Variants in PWWP3B observed in about 807,000 individuals in gnomAD.
PWWP3B encodes PWWP domain-containing DNA repair factor 3B.
Under a neutral mutation model 15.7 loss-of-function variants are expected in PWWP3B, and 5 were observed. The observed-to-expected ratio is 0.32, with a 90% CI of 0.17 to 0.67. The LOEUF (loss-of-function observed/expected upper bound fraction) is 0.67, where lower values mean the gene tolerates loss of function less well. PWWP3B is among the 30% of genes least tolerant of loss of function. The pLI, the probability that PWWP3B is intolerant of heterozygous loss-of-function variation, is 0.74. For missense variants in PWWP3B, 519 were observed against 493.1 expected (o/e 1.05, Z -0.50); for synonymous variants, 203 against 179.8 (o/e 1.13, Z -1.03).
intron 2 of PWWP3B, among the ~76,000 whole-genome samples, chrX:106,193,361 T>C (rs1359995773): frequency 3.6e-5 from 4 of 111,351 alleles, no homozygotes; most frequent in Non-Finnish European, 3.8e-5. Context: ...AGGATTGCAA[T>C]CCCTGCCTTT....
At chrX:106,199,515 G>A (rs1288813024) in intron 2 of PWWP3B, among the ~76,000 whole-genome samples, 3 of 111,456 alleles carry the variant, frequency 2.7e-5, no homozygotes, top group Admixed American at 1.9e-4. Context: ...AGGGTCACAC[G>A]TCCCTAGTGA....
chrX:106,204,963 T>C (rs1350394460), intron 3 of PWWP3B, among the ~76,000 whole-genome samples: 1 of 111,265 alleles, frequency 9.0e-6, no homozygotes, highest in Non-Finnish European at 1.9e-5. Flanking sequence ...TCTGCTGCCA[T>C]GTACATACAT....
chrX:106,189,337 G>A (rs1024292067), intron 2 of PWWP3B, among the ~76,000 whole-genome samples: 7 of 110,360 alleles, frequency 6.3e-5, no homozygotes, highest in East Asian at 5.7e-4. Flanking sequence ...CCATTAACTC[G>A]TCATTTAGCA....
chrX:106,178,544 C>T (rs752850215), intron 2 of PWWP3B, among the ~76,000 whole-genome samples: 1 of 112,110 alleles, frequency 8.9e-6, no homozygotes, highest in East Asian at 2.8e-4. Flanking sequence ...TTTACTATCA[C>T]TATTTTTGAA....
Position 106,206,790 on chromosome X carries a change from T to C in PWWP3B, c.1358T>C (p.Met453Thr), listed in dbSNP as rs761100729. 4.1e-6 allele frequency: 5 copies of C among 1,209,723 alleles called. No homozygotes were observed. In the East Asian group the frequency reaches 8.9e-5, roughly 22 times the overall value. Residue 453 changes from methionine to threonine, a missense_variant, in exon 4 of 4, where the codon ATG becomes ACG. Physicochemically the swap from Met to Thr is moderately conservative, Grantham distance 81. Transcript: ENST00000357175. ...AAATTTGATTGTAAAGAGAAACAAATGCTAGTGGACAAAGCCAGGGAGGAT... is the reference window on the plus strand; with the variant it reads ...AAATTTGATTGTAAAGAGAAACAAACGCTAGTGGACAAAGCCAGGGAGGAT... ...LKKFDCKEKQ[M>T]LVDKAREDYS...
At chrX:106,196,309 G>A (rs57555083) in intron 2 of PWWP3B, among the ~76,000 whole-genome samples, 179 of 111,454 alleles carry the variant, frequency 1.6e-3, no homozygotes, top group African/African-American at 5.2e-3. Flanking sequence ...GGCTGGGATC[G>A]CCAATGTAAT....
intron 3 of PWWP3B, 69 bp from the exon 4 acceptor site, chrX:106,205,150 T>A (rs890933352): frequency 2.9e-5 from 7 of 238,377 alleles, no homozygotes; most frequent in Non-Finnish European, 5.2e-5. Context: ...TTGTAATTGC[T>A]CACCTCCCGT....
rs1283876409 is a variant in PWWP3B, at chrX:106,206,962, C to G, written c.1530C>G (p.Phe510Leu). Residue 510 changes from phenylalanine to leucine, a missense_variant, in exon 4 of 4, where the codon TTC becomes TTG. Physicochemically the swap from Phe to Leu is conservative, Grantham distance 22. Coordinates refer to ENST00000357175, the MANE Select transcript of PWWP3B (RefSeq NM_001171020.2). ...GGAAAGAAACAAAACAGGATACTTT[C>G]AGGAACAAATTTCCAAAGCTGCATA... is the stretch of plus-strand genomic sequence containing the variant. ...PVRKETKQDT[F>L]RNKFPKLHNE... The G allele has an allele frequency of 8.3e-7, 1 of 1,209,522 alleles. No homozygotes were observed.
At chrX:106,169,745 G>A (rs780418594) in intron 1 of PWWP3B, among the ~76,000 whole-genome samples, 38 of 111,979 alleles carry the variant, frequency 3.4e-4, no homozygotes, top group African/African-American at 7.4e-4. Context: ...TGAATACTAC[G>A]CAGCTGTAAA....
At chrX:106,191,246 G>C (rs1387767680) in intron 2 of PWWP3B, among the ~76,000 whole-genome samples, 2 of 110,856 alleles carry the variant, frequency 1.8e-5, no homozygotes, top group African/African-American at 6.6e-5. Context: ...AGTTCTCCTT[G>C]AAGAGGTCCT....
chrX:106,175,451 AG>A (rs762256594), intron 2 of PWWP3B, among the ~76,000 whole-genome samples: 39 of 109,444 alleles, frequency 3.6e-4, no homozygotes, highest in African/African-American at 1.2e-3. Flanking sequence ...CGTGTTAGCC[AG>A]GATGGTCTCG....
At chrX:106,192,154 G>C (rs1923021554) in intron 2 of PWWP3B, among the ~76,000 whole-genome samples, 1 of 111,782 alleles carries the variant, frequency 8.9e-6, no homozygotes, top group South Asian at 3.8e-4. Context: ...GAATTTGGCT[G>C]TGAATCCATC....
chrX:106,171,411 G>A (rs949901766), intron 2 of PWWP3B, among the ~76,000 whole-genome samples: 2 of 111,290 alleles, frequency 1.8e-5, no homozygotes, highest in Admixed American at 1.9e-4. Flanking sequence ...AATCATGCAA[G>A]AGGCTATGCA....
chrX:106,197,871 T>C (rs1602862830), intron 2 of PWWP3B, among the ~76,000 whole-genome samples: 1 of 111,878 alleles, frequency 8.9e-6, no homozygotes, highest in East Asian at 2.8e-4. Context: ...TTTATCATTA[T>C]TAAGTTATGA....
At chrX:106,194,923 CG>C (rs1350289163) in intron 2 of PWWP3B, among the ~76,000 whole-genome samples, 31 of 111,350 alleles carry the variant, frequency 2.8e-4, no homozygotes, top group African/African-American at 9.5e-4. Flanking sequence ...GAGCAGTACC[CG>C]GCCGTATGAG....
At chrX:106,199,198 G>A (rs1339940069) in intron 2 of PWWP3B, among the ~76,000 whole-genome samples, 2 of 109,723 alleles carry the variant, frequency 1.8e-5, no homozygotes, top group Non-Finnish European at 3.8e-5. Flanking sequence ...ACAGGCACCC[G>A]CCACCAAGCC....
At chrX:106,198,004 A>G (rs779293297) in intron 2 of PWWP3B, among the ~76,000 whole-genome samples, 9 of 112,278 alleles carry the variant, frequency 8.0e-5, no homozygotes, top group Non-Finnish European at 7.5e-5. Flanking sequence ...GAAGAAGCAG[A>G]TGCTTTCTAA....
At chrX:106,185,201 A>G (rs144068394) in intron 2 of PWWP3B, among the ~76,000 whole-genome samples, 3,980 of 111,563 alleles carry the variant, frequency 0.036, 178 homozygotes, top group African/African-American at 0.12. Context: ...GCCATAGTGC[A>G]GAAAAAACAT....
intron 2 of PWWP3B, among the ~76,000 whole-genome samples, chrX:106,174,634 G>A (rs1321320604): frequency 9.0e-6 from 1 of 111,605 alleles, no homozygotes; most frequent in Non-Finnish European, 1.9e-5. Context: ...TTCAGCCCCT[G>A]TCCAGGAATC....
Sources: gnomAD v4.1 joint callset for allele counts (sites outside exome capture counted in the v4.1 genomes callset) on GRCh38, gnomAD v4.1.1 for gene constraint, MANE v1.5 for transcripts, NCBI Gene and HGNC (gene_info 2026-07-23, HGNC 2026-07-21) for gene names.